The following STXBP5L variants were observed in gnomAD, a reference collection of about 807,000 sequenced individuals.
The protein encoded by STXBP5L is syntaxin binding protein 5L, also known as syntaxin-binding protein 5-like.
A neutral mutation model predicts 144.5 loss-of-function variants in STXBP5L; 65 were observed. That is an observed-to-expected ratio of 0.45 (90% CI 0.37 to 0.55). STXBP5L has a LOEUF of 0.55. Among genes scored for constraint, STXBP5L ranks in the 20% least tolerant of loss-of-function variants. The pLI is 0.00. For synonymous variants in STXBP5L, 505 were observed against 469.6 expected (o/e 1.08, Z -0.97); for missense variants, 1,298 against 1,405.5 (o/e 0.92, Z 1.22).
In STXBP5L at chr3:121,223,050, G is replaced by A; in HGVS notation, c.1004G>A (p.Cys335Tyr). The change falls in exon 11 of 27, where the codon TGT (cysteine) becomes TAT (tyrosine). Residue 335 changes from cysteine (C) to tyrosine (Y), a missense_variant. By Grantham distance (194) the Cys-to-Tyr change is radical. Coordinates refer to ENST00000471454, the MANE Select transcript of STXBP5L (RefSeq NM_001308330.2). ...GGTGGGCTGTCCTATGACAAAGCTT[G>A]TAGAAGACCAAGTTTAACCATCATG... The part of the protein sequence containing the change: ...FSGGLSYDKA[C>Y]RRPSLTIMHG... The A allele has an allele frequency of 6.2e-7, 1 of 1,612,968 alleles. No individual in the cohort carries two copies. The highest frequency in any genetic ancestry group is 1.1e-5 in the South Asian group (1 of 90,918).
At chr3:121,363,038 T>C (rs2045761061) in intron 20 of STXBP5L, among the ~76,000 whole-genome samples, 1 of 152,130 alleles carries the variant, frequency 6.6e-6, no homozygotes, top group African/African-American at 2.4e-5. Flanking sequence ...TTCTGAGAGA[T>C]ACGGCCTGGA....
chr3:120,982,208 T>C (rs1313653883), intron 3 of STXBP5L, among the ~76,000 whole-genome samples: 1 of 152,146 alleles, frequency 6.6e-6, no homozygotes, highest in Non-Finnish European at 1.5e-5. Flanking sequence ...TTGATCTTTG[T>C]TTACTGGGAG....
chr3:121,409,247 GAAT>G (rs919679077), intron 23 of STXBP5L, among the ~76,000 whole-genome samples: 9 of 151,848 alleles, frequency 5.9e-5, no homozygotes, highest in Non-Finnish European at 8.8e-5. Flanking sequence ...GTGAAAGAAA[GAAT>G]AAGATGCAGC....
intron 5 of STXBP5L, among the ~76,000 whole-genome samples, chr3:121,060,309 C>G (rs1173252358): frequency 2.0e-5 from 3 of 152,072 alleles, no homozygotes; most frequent in Non-Finnish European, 4.4e-5. Flanking sequence ...GCCTTGCTTC[C>G]CAGGGATGAA....
intron 20 of STXBP5L, among the ~76,000 whole-genome samples, chr3:121,325,999 T>TAA (rs553855742): frequency 1.0e-4 from 14 of 137,868 alleles, no homozygotes; most frequent in South Asian, 6.8e-4. Flanking sequence ...TTATGTCTAC[T>TAA]AAAAAAAAAA....
At chr3:121,321,415 G>C (rs2043965213) in intron 20 of STXBP5L, among the ~76,000 whole-genome samples, 1 of 152,134 alleles carries the variant, frequency 6.6e-6, no homozygotes. Context: ...AATTAATTGT[G>C]CTATATTAGA....
At chr3:121,092,890 A>G (rs545397411) in intron 5 of STXBP5L, among the ~76,000 whole-genome samples, 2 of 152,314 alleles carry the variant, frequency 1.3e-5, no homozygotes, top group South Asian at 2.1e-4. Context: ...CCCATTCAGT[A>G]TGATATTGGC....
At chr3:121,131,062 A>C (rs2044966265) in intron 7 of STXBP5L, among the ~76,000 whole-genome samples, 2 of 152,130 alleles carry the variant, frequency 1.3e-5, no homozygotes, top group Non-Finnish European at 2.9e-5. Context: ...GTTAGTTCTG[A>C]TTGTAAGCTA....
At chr3:121,011,437 G>T (rs376964060) in intron 3 of STXBP5L, among the ~76,000 whole-genome samples, 5 of 151,612 alleles carry the variant, frequency 3.3e-5, no homozygotes, top group South Asian at 2.1e-4. Flanking sequence ...GAGATTTTCA[G>T]ATAATTGGGA....
intron 9 of STXBP5L, among the ~76,000 whole-genome samples, chr3:121,179,187 G>C (rs1188483061): frequency 1.3e-5 from 2 of 151,570 alleles, no homozygotes; most frequent in Non-Finnish European, 2.9e-5. Flanking sequence ...GAGAGAACGA[G>C]ATAAGCTTCA....
chr3:121,267,373 A>G (rs1462319774), intron 18 of STXBP5L, among the ~76,000 whole-genome samples: 2 of 152,206 alleles, frequency 1.3e-5, no homozygotes, highest in African/African-American at 4.8e-5. Flanking sequence ...GAAAACTGAA[A>G]TTAGACCCTT....
At chr3:121,097,465 G>T (rs1292217419) in intron 5 of STXBP5L, among the ~76,000 whole-genome samples, 2 of 152,204 alleles carry the variant, frequency 1.3e-5, no homozygotes, top group Admixed American at 6.5e-5. Context: ...GAACCTCCTG[G>T]TCTGCGGGGT....
chr3:121,347,962 C>G (rs1357540171), intron 20 of STXBP5L, among the ~76,000 whole-genome samples: 1 of 152,170 alleles, frequency 6.6e-6, no homozygotes, highest in Non-Finnish European at 1.5e-5. Flanking sequence ...CTTCTCCTGC[C>G]TAATTGCCCT....
At chr3:121,182,744 C>T (rs182125780) in intron 9 of STXBP5L, among the ~76,000 whole-genome samples, 3 of 152,176 alleles carry the variant, frequency 2.0e-5, no homozygotes, top group Non-Finnish European at 4.4e-5. Context: ...AATTGATAGA[C>T]CATTAGTTAG....
chr3:121,204,638 G>T (rs74425891), intron 9 of STXBP5L, among the ~76,000 whole-genome samples: 1 of 151,618 alleles, frequency 6.6e-6, no homozygotes, highest in Non-Finnish European at 1.5e-5. Flanking sequence ...GTATTACATA[G>T]GTATCTATGT....
chr3:120,918,570 C>G (rs1482114730), intron 2 of STXBP5L, among the ~76,000 whole-genome samples: 1 of 152,210 alleles, frequency 6.6e-6, no homozygotes, highest in Non-Finnish European at 1.5e-5. Context: ...AAAAACCTTA[C>G]AGAGCAGATA....
chr3:121,053,258 G>A (rs1475264517), intron 5 of STXBP5L, among the ~76,000 whole-genome samples: 2 of 151,956 alleles, frequency 1.3e-5, no homozygotes, highest in African/African-American at 4.8e-5. Context: ...AGTTCATATG[G>A]AGCCAAAAAA....
chr3:121,404,976 C>T (rs1209634594), intron 22 of STXBP5L, among the ~76,000 whole-genome samples: 2 of 152,074 alleles, frequency 1.3e-5, no homozygotes, highest in African/African-American at 4.8e-5. Flanking sequence ...AGGTCTCTTC[C>T]TTTGGGTTGC....
At chr3:121,124,119 C>T (rs1030032471) in intron 7 of STXBP5L, among the ~76,000 whole-genome samples, 3 of 151,850 alleles carry the variant, frequency 2.0e-5, no homozygotes, top group Non-Finnish European at 4.4e-5. Context: ...TTATACACCT[C>T]ACTCATATAT....
Sources: gnomAD v4.1 joint callset for allele counts (sites outside exome capture counted in the v4.1 genomes callset) on GRCh38, gnomAD v4.1.1 for gene constraint, MANE v1.5 for transcripts, NCBI Gene and HGNC (gene_info 2026-07-23, HGNC 2026-07-21) for gene names.